BLTP1: variants seen among roughly 807,000 people sequenced by gnomAD.
BLTP1 encodes bridge-like lipid transfer protein family member 1.
At chr4:122,236,905 T>G in the BLTP1 span, 1 of 985,206 alleles carries the variant, frequency 1.0e-6, no homozygotes, top group African/African-American at 1.7e-5. Context: ...GAGTTTCTGA[T>G]TGTTGAGTCT....
the BLTP1 span, chr4:122,291,966 GTTTTTTTTTTT>G: frequency 8.4e-6 from 1 of 118,664 alleles, no homozygotes; most frequent in Non-Finnish European, 1.6e-5. Flanking sequence ...GCATCAAACA[GTTTTTTTTTTT>G]TTTTTTTTTT....
At chr4:122,276,092 AT>A in the BLTP1 span, 1 of 1,276,708 alleles carries the variant, frequency 7.8e-7, no homozygotes, top group Non-Finnish European at 1.1e-6. Context: ...AAATATTTAA[AT>A]TTTTTTCATG....
the BLTP1 span, among the ~76,000 whole-genome samples, chr4:122,190,808 A>C: frequency 6.6e-6 from 1 of 152,288 alleles, no homozygotes; most frequent in Middle Eastern, 3.4e-3. Context: ...AAAAGTATCT[A>C]AACATTGGGT....
chr4:122,343,577 G>C, the BLTP1 span: 3 of 1,613,950 alleles, frequency 1.9e-6, no homozygotes, highest in East Asian at 6.7e-5. Context: ...AAAAACTGCT[G>C]TTTCTGGCCT....
chr4:122,254,191 A>G, the BLTP1 span: 5 of 1,612,378 alleles, frequency 3.1e-6, no homozygotes, highest in Admixed American at 5.0e-5. Flanking sequence ...TCTATTTTAT[A>G]TAGGATGAAG....
the BLTP1 span, among the ~76,000 whole-genome samples, chr4:122,230,429 A>T: frequency 6.6e-6 from 1 of 152,146 alleles, no homozygotes; most frequent in Non-Finnish European, 1.5e-5. Context: ...AAATAACATT[A>T]TTTTCTGATG....
chr4:122,320,762 CTTTT>C, the BLTP1 span, among the ~76,000 whole-genome samples: 21 of 152,100 alleles, frequency 1.4e-4, no homozygotes, highest in South Asian at 4.4e-3. Flanking sequence ...GACAGTCTGT[CTTTT>C]AAGATCATTT....
the BLTP1 span, chr4:122,362,180 T>C: frequency 6.2e-7 from 1 of 1,613,418 alleles, no homozygotes; most frequent in Non-Finnish European, 8.5e-7. Flanking sequence ...TCAGTTCTTA[T>C]CAAAAAGCTC....
chr4:122,242,336 A>G, the BLTP1 span, among the ~76,000 whole-genome samples: 1 of 152,162 alleles, frequency 6.6e-6, no homozygotes, highest in South Asian at 2.1e-4. Flanking sequence ...AATATGAATG[A>G]ATCTGGAGGG....
chr4:122,215,488 G>T, the BLTP1 span: 1 of 985,186 alleles, frequency 1.0e-6, no homozygotes, highest in African/African-American at 1.7e-5. Flanking sequence ...CAGCTGTTTG[G>T]GGAGAAGGTG....
At chr4:122,355,539 A>G in the BLTP1 span, among the ~76,000 whole-genome samples, 118 of 149,300 alleles carry the variant, frequency 7.9e-4, no homozygotes, top group African/African-American at 2.7e-3. Context: ...CTACTGATAT[A>G]GATATACTAC....
the BLTP1 span, chr4:122,299,748 A>G: frequency 3.2e-6 from 3 of 952,360 alleles, no homozygotes; most frequent in Non-Finnish European, 3.7e-6. Context: ...ACACATACAT[A>G]TATGTATGTA....
the BLTP1 span, chr4:122,152,438 G>A: frequency 3.0e-6 from 3 of 985,818 alleles, no homozygotes; most frequent in Non-Finnish European, 3.6e-6. Context: ...CGGGCGGCGG[G>A]GCTAAAGGGT....
the BLTP1 span, chr4:122,353,709 C>G: frequency 1.6e-6 from 2 of 1,281,826 alleles, no homozygotes; most frequent in Admixed American, 2.8e-5. The surrounding 1 kb of genome is among the most constrained non-coding windows in gnomAD (Gnocchi z 4.3). Context: ...ATTTTTATAG[C>G]CTTCCTATAT....
At chr4:122,282,284 AT>A in the BLTP1 span, among the ~76,000 whole-genome samples, 2 of 152,154 alleles carry the variant, frequency 1.3e-5, no homozygotes, top group Non-Finnish European at 2.9e-5. Flanking sequence ...TTAAAGAATA[AT>A]TAAGTACTGT....
At chr4:122,219,959 TG>T in the BLTP1 span, among the ~76,000 whole-genome samples, 1 of 152,148 alleles carries the variant, frequency 6.6e-6, no homozygotes, top group Admixed American at 6.5e-5. Flanking sequence ...GTTTCTGGCT[TG>T]ACCCTGGGGG....
chr4:122,324,308 A>G, the BLTP1 span: 4 of 1,005,066 alleles, frequency 4.0e-6, no homozygotes, highest in Non-Finnish European at 5.5e-6. Context: ...ATTGTTAAGT[A>G]ACATTAAAGT....
chr4:122,323,381 A>T, the BLTP1 span, among the ~76,000 whole-genome samples: 4 of 151,976 alleles, frequency 2.6e-5, no homozygotes, highest in Non-Finnish European at 5.9e-5. Flanking sequence ...TCTAAAAACC[A>T]CTTAAAAGGA....
At chr4:122,350,163 C>A in the BLTP1 span, 1 of 1,467,990 alleles carries the variant, frequency 6.8e-7, no homozygotes, top group Non-Finnish European at 9.0e-7. Flanking sequence ...ATCTGTATGC[C>A]CCACTTAGAA....
Sources: gnomAD v4.1 joint callset for allele counts (sites outside exome capture counted in the v4.1 genomes callset) on GRCh38, gnomAD v4.1.1 for gene constraint, Gnocchi (gnomAD v3.1) non-coding constraint, MANE v1.5 for transcripts, NCBI Gene and HGNC (gene_info 2026-07-23, HGNC 2026-07-21) for gene names.